Variants in EPHA6 observed in about 807,000 individuals in gnomAD.
EPHA6 encodes the protein ephrin type-A receptor 6.
In EPHA6, 50 loss-of-function variants were observed where a neutral mutation model predicts 112.0. That is an observed-to-expected ratio of 0.45 (90% confidence interval 0.36 to 0.56). EPHA6 has a LOEUF of 0.56. Ranked by LOEUF, EPHA6 falls within the 20% of genes least tolerant of loss-of-function variation. EPHA6 has a pLI of 0.00. For synonymous variants in EPHA6, 529 were observed against 490.7 expected, an observed-to-expected ratio of 1.08 and a Z score of -1.03; for missense variants, 1,280 against 1,417.4, an observed-to-expected ratio of 0.90 and a Z score of 1.56.
chr3:97,026,590 G>T (rs1364447636), intron 3 of EPHA6, among the ~76,000 whole-genome samples: 2 of 151,930 alleles, frequency 1.3e-5, no homozygotes, highest in Admixed American at 1.3e-4. Flanking sequence ...AGAACTTAAA[G>T]AAATTTACAA....
At chr3:97,627,497 T>C (rs950465238) in intron 13 of EPHA6, among the ~76,000 whole-genome samples, 1 of 151,816 alleles carries the variant, frequency 6.6e-6, no homozygotes, top group African/African-American at 2.4e-5. Flanking sequence ...GGAATAGTAA[T>C]AGCAAGTGCC....
intron 14 of EPHA6, among the ~76,000 whole-genome samples, chr3:97,717,491 C>G (rs1164439907): frequency 1.3e-5 from 2 of 152,192 alleles, no homozygotes; most frequent in Non-Finnish European, 2.9e-5. Context: ...TAAGGCCCCA[C>G]TCTGTGGCTT....
At chr3:96,834,561 G>GC (rs1553714148) in intron 1 of EPHA6, among the ~76,000 whole-genome samples, 1 of 151,636 alleles carries the variant, frequency 6.6e-6, no homozygotes, top group Non-Finnish European at 1.5e-5. Context: ...CCCTGTTGTT[G>GC]TTTTTTTTCC....
intron 2 of EPHA6, among the ~76,000 whole-genome samples, chr3:96,967,253 A>G (rs2042155872): frequency 6.7e-6 from 1 of 150,050 alleles, no homozygotes; most frequent in Non-Finnish European, 1.5e-5. Context: ...ATATAATTTT[A>G]GATGATATAT....
At chr3:97,398,745 TAC>T in intron 5 of EPHA6, among the ~76,000 whole-genome samples, 1 of 151,664 alleles carries the variant, frequency 6.6e-6, no homozygotes, top group East Asian at 1.9e-4. Flanking sequence ...ATTTACTAAA[TAC>T]ATACTCTTTT....
chr3:97,456,928 T>C (rs1577464575), intron 7 of EPHA6, among the ~76,000 whole-genome samples: 1 of 152,346 alleles, frequency 6.6e-6, no homozygotes, highest in South Asian at 2.1e-4. Context: ...ATATTCTCTA[T>C]GTAACACTTG....
intron 5 of EPHA6, among the ~76,000 whole-genome samples, chr3:97,268,254 T>A (rs915738027): frequency 1.3e-5 from 2 of 152,190 alleles, no homozygotes; most frequent in African/African-American, 2.4e-5. Flanking sequence ...TCTGCTTAGA[T>A]TCTATTTGTT....
At chr3:96,988,740 ATAG>A (rs2043110616) in intron 3 of EPHA6, among the ~76,000 whole-genome samples, 1 of 152,126 alleles carries the variant, frequency 6.6e-6, no homozygotes, top group Non-Finnish European at 1.5e-5. Context: ...TTTCATTTTA[ATAG>A]TAGTATTTAT....
intron 3 of EPHA6, among the ~76,000 whole-genome samples, chr3:97,106,352 C>T (rs1373726439): frequency 1.3e-5 from 2 of 151,878 alleles, no homozygotes; most frequent in Admixed American, 1.3e-4. Flanking sequence ...TCAGAATTTC[C>T]CCCAATCTCA....
chr3:96,982,049 T>A (rs1280027910), intron 2 of EPHA6, among the ~76,000 whole-genome samples: 2 of 152,176 alleles, frequency 1.3e-5, no homozygotes, highest in African/African-American at 4.8e-5. Flanking sequence ...TGTGTCTCTA[T>A]CTCCTTCAGT....
chr3:96,836,876 T>G (rs188969064), intron 1 of EPHA6, among the ~76,000 whole-genome samples: 3 of 152,304 alleles, frequency 2.0e-5, no homozygotes, highest in East Asian at 3.9e-4. Context: ...TCTACCATTC[T>G]GCATAGATAA....
chr3:97,679,717 A>G (rs1040253014), intron 14 of EPHA6, among the ~76,000 whole-genome samples: 1 of 152,180 alleles, frequency 6.6e-6, no homozygotes, highest in Non-Finnish European at 1.5e-5. Context: ...GCAGGATCAG[A>G]CACTTCAATA....
At chr3:97,614,039 C>T (rs1432829994) in intron 13 of EPHA6, among the ~76,000 whole-genome samples, 1 of 152,110 alleles carries the variant, frequency 6.6e-6, no homozygotes, top group East Asian at 1.9e-4. Flanking sequence ...TTAGAACTTC[C>T]CATTTTTTAT....
chr3:97,384,902 G>A (rs1011786383), intron 5 of EPHA6, among the ~76,000 whole-genome samples: 2 of 152,116 alleles, frequency 1.3e-5, no homozygotes, highest in African/African-American at 4.8e-5. Context: ...TGAGTTATGA[G>A]CAGTGATATG....
chr3:97,694,847 T>C (rs987363766), intron 14 of EPHA6, among the ~76,000 whole-genome samples: 1 of 152,248 alleles, frequency 6.6e-6, no homozygotes, highest in South Asian at 2.1e-4. Context: ...ACATAGATAG[T>C]TGTTGTCTTC....
intron 14 of EPHA6, among the ~76,000 whole-genome samples, chr3:97,700,801 A>G (rs753114404): frequency 2.6e-5 from 4 of 152,196 alleles, no homozygotes; most frequent in Non-Finnish European, 5.9e-5. Flanking sequence ...ATCTAATCAC[A>G]ATCAATAGAT....
chr3:96,833,380 A>C (rs2107286242), intron 1 of EPHA6, among the ~76,000 whole-genome samples: 1 of 151,976 alleles, frequency 6.6e-6, no homozygotes, highest in South Asian at 2.1e-4. Flanking sequence ...CATAGCCTTC[A>C]GAAGAAACTA....
At position 96,814,692 on chromosome 3, in the gene EPHA6, A is replaced by C. The variant is rs1036718292; in HGVS notation, c.69A>C (p.Ala23=). ...CGCAGGCAGCGTCCTCCTCCGAAGC[A>C]GCTGCACCTGCAACTGGGCAGCCTG... ...PAPQAASSSE[A]AAPATGQPGP... Residue 23 remains alanine (A), a synonymous_variant, in exon 1 of 18, where the codon GCA becomes GCC. Coordinates refer to ENST00000389672, the MANE Select transcript of EPHA6 (RefSeq NM_001080448.3). 1.3e-6 allele frequency: 2 copies of C among 1,498,314 alleles called. No homozygotes were observed. Among genetic ancestry groups the C allele is most frequent in the East Asian group, 2.3e-5 (1 of 43,124 alleles). 92.8% of individuals were successfully genotyped at this position (1,498,314 alleles called of 1,614,324 possible).
At chr3:97,703,622 T>G (rs1226544426) in intron 14 of EPHA6, among the ~76,000 whole-genome samples, 1 of 152,136 alleles carries the variant, frequency 6.6e-6, no homozygotes. Flanking sequence ...AAAATCAGGC[T>G]GAAGGATATA....
Sources: gnomAD v4.1 joint callset for allele counts (sites outside exome capture counted in the v4.1 genomes callset) on GRCh38, gnomAD v4.1.1 for gene constraint, MANE v1.5 for transcripts, NCBI Gene and HGNC (gene_info 2026-07-23, HGNC 2026-07-21) for gene names.